SLC35F1: variants seen among roughly 807,000 people sequenced by gnomAD.
SLC35F1 encodes the protein solute carrier family 35 member F1, also known as chromosome 6 open reading frame 169.
A neutral mutation model predicts 48.7 loss-of-function variants in SLC35F1; 14 were observed. The ratio of observed to expected loss-of-function variants is 0.29; its 90% confidence interval spans 0.19 to 0.45. SLC35F1 has a LOEUF of 0.45. Among genes scored for constraint, SLC35F1 ranks in the 20% least tolerant of loss-of-function variants. The probability of loss-of-function intolerance (pLI) is 1.00; values close to 1 mark genes in which losing one functional copy is unlikely to be tolerated. For synonymous variants in SLC35F1, 190 were observed against 202.2 expected (o/e 0.94, Z 0.51); for missense variants, 404 against 500.0 (o/e 0.81, Z 1.83).
Position 118,285,141 on chromosome 6 carries a change from T to C in SLC35F1, c.848-43T>C, listed in dbSNP as rs1776033608. On this transcript the variant is annotated intron_variant, in intron 6 of 7. Transcript: ENST00000360388. ...CCTGCTGTGGATGCTGAAGATGCCC[T>C]GGAGGAGGCCCTGACGCTGCCTTCT... is the stretch of plus-strand genomic sequence containing the variant. 3 of 1,603,524 alleles carry C rather than the reference T, an allele frequency of 1.9e-6. No homozygotes were observed. In the South Asian group the frequency reaches 3.3e-5, roughly 18 times the overall value.
chr6:117,907,937 G>T lies in SLC35F1; in HGVS notation c.173+38G>T, dbSNP rs111915578. Reference sequence around the variant, plus strand: ...GCCGGGCGAGGGCGCGGGGGGCGGGGGCTGCGGGCGCCCGGCTCCGGGTCC... The same window carrying T: ...GCCGGGCGAGGGCGCGGGGGGCGGGTGCTGCGGGCGCCCGGCTCCGGGTCC... On this transcript the variant is annotated intron_variant, in intron 1 of 7. Coordinates refer to ENST00000360388, the MANE Select transcript of SLC35F1 (RefSeq NM_001029858.4). 14,151 of 1,297,348 alleles carry T rather than the reference G, an allele frequency of 0.011. 1,311 individuals are homozygous for T. In the African/African-American group the frequency reaches 0.2, roughly 18 times the overall value. The allele number at this position is 1,297,348 out of a possible 1,614,324, so 80.4% of individuals were successfully genotyped here. A position where few individuals can be genotyped will look rare whatever the true frequency, so the allele number is the denominator to read the frequency against.
At chr6:118,191,169 C>T (rs1004202996) in intron 2 of SLC35F1, among the ~76,000 whole-genome samples, 7 of 152,088 alleles carry the variant, frequency 4.6e-5, no homozygotes, top group African/African-American at 1.7e-4. Flanking sequence ...AATCAATGTT[C>T]TGTTTCTTAC....
chr6:117,999,410 C>T, intron 1 of SLC35F1: 1 of 1,587,234 alleles, frequency 6.3e-7, no homozygotes, highest in Non-Finnish European at 8.5e-7. Context: ...AGCTCAGGCT[C>T]CCAAAGGTAC....
chr6:118,240,839 G>A (rs542876244), intron 3 of SLC35F1, among the ~76,000 whole-genome samples: 8 of 152,294 alleles, frequency 5.3e-5, no homozygotes, highest in South Asian at 2.1e-4. Context: ...GCAGGGTCGT[G>A]TCTGGGCAAG....
At chr6:118,017,862 G>A (rs569114301) in intron 1 of SLC35F1, among the ~76,000 whole-genome samples, 2 of 152,208 alleles carry the variant, frequency 1.3e-5, no homozygotes, top group South Asian at 2.1e-4. Context: ...GGACCTTATC[G>A]TTACTTTACA....
At chr6:118,278,109 T>G (rs1775940152) in intron 6 of SLC35F1, among the ~76,000 whole-genome samples, 1 of 152,222 alleles carries the variant, frequency 6.6e-6, no homozygotes, top group African/African-American at 2.4e-5. Context: ...CCAGGACTTC[T>G]CAGGTTCCAC....
intron 1 of SLC35F1, among the ~76,000 whole-genome samples, chr6:117,953,169 T>C (rs1046464093): frequency 6.6e-6 from 1 of 152,252 alleles, no homozygotes; most frequent in Non-Finnish European, 1.5e-5. Context: ...TGTTATTTTA[T>C]ATCCCTCATT....
In SLC35F1 at chr6:118,105,706, C is replaced by A. The variant is rs114779886; in HGVS notation, c.174-48739C>A. On this transcript the variant is annotated intron_variant, in intron 1 of 7. Transcript: ENST00000360388. ...TTTTCATCACACTCTTCAGATAAAA[C>A]AATTTTTCATTTCACACTTTTATGC... 8.7e-3 allele frequency among the ~76,000 whole-genome samples: 1,327 copies of A among 152,280 alleles called. 19 individuals carry two copies. The highest frequency in any genetic ancestry group is 0.03 in the African/African-American group (1,257 of 41,558).
In SLC35F1 at chr6:117,949,645, A is replaced by G. The variant is rs372991007; in HGVS notation, c.173+41746A>G. ...ACTGTTTACTATGATCATTTTCATC[A>G]TGTAATTATCGCCTTCAGGTTGGAC... On this transcript the variant is annotated intron_variant, in intron 1 of 7. Coordinates refer to ENST00000360388, the MANE Select transcript of SLC35F1 (RefSeq NM_001029858.4). Among the ~76,000 whole-genome samples the G allele has an allele frequency of 3.9e-5, 6 of 152,188 alleles. No individual in the cohort carries two copies. The South Asian group carries it at 8.3e-4, about 21-fold the overall frequency.
At chr6:118,217,758 G>A (rs1412708359) in intron 2 of SLC35F1, among the ~76,000 whole-genome samples, 2 of 152,078 alleles carry the variant, frequency 1.3e-5, no homozygotes, top group South Asian at 2.1e-4. Flanking sequence ...CTGACCTCAG[G>A]TTCAAAAATA....
At chr6:118,256,557 AG>A (rs1775649013) in intron 3 of SLC35F1, among the ~76,000 whole-genome samples, 2 of 152,132 alleles carry the variant, frequency 1.3e-5, no homozygotes, top group African/African-American at 4.8e-5. Context: ...AAGAGGGATG[AG>A]GTCACCTCAT....
chr6:118,249,039 T>G (rs1775541122), intron 3 of SLC35F1, among the ~76,000 whole-genome samples: 1 of 152,184 alleles, frequency 6.6e-6, no homozygotes, highest in South Asian at 2.1e-4. Context: ...AACCAGGGCG[T>G]GGGCCCCTAC....
At chr6:118,050,236 G>A (rs1390712821) in intron 1 of SLC35F1, among the ~76,000 whole-genome samples, 1 of 151,736 alleles carries the variant, frequency 6.6e-6, no homozygotes, top group Non-Finnish European at 1.5e-5. Flanking sequence ...GAGGGGGGAG[G>A]GATAGCATTA....
intron 3 of SLC35F1, among the ~76,000 whole-genome samples, chr6:118,261,548 A>T (rs771863332): frequency 1.1e-3 from 160 of 152,344 alleles, no homozygotes; most frequent in Admixed American, 1.8e-3. Flanking sequence ...GCCCACGTGA[A>T]CGCACACAGG....
rs79285690 is a variant in SLC35F1, at chr6:118,309,034, A to C, written c.1003-4994A>C. 8.9e-3 allele frequency among the ~76,000 whole-genome samples: 1,353 copies of C among 152,280 alleles called. 5 individuals are homozygous for C. Among genetic ancestry groups the C allele is most frequent in the Non-Finnish European group, 0.016 (1,103 of 68,024 alleles). ...GGCTTGAAAGCATTGGCCTTAGCTC[A>C]TGTGTGGTACATGAGAAGCCATCAG... On this transcript the variant is annotated intron_variant, in intron 7 of 7. Transcript: ENST00000360388.
At chr6:118,051,182 C>T (rs558932081) in intron 1 of SLC35F1, among the ~76,000 whole-genome samples, 23 of 152,194 alleles carry the variant, frequency 1.5e-4, no homozygotes, top group South Asian at 1.4e-3. Context: ...TCTGGATTGT[C>T]GACTTTTACC....
At chr6:118,185,460 A>G (rs1774642419) in intron 2 of SLC35F1, among the ~76,000 whole-genome samples, 1 of 152,168 alleles carries the variant, frequency 6.6e-6, no homozygotes, top group South Asian at 2.1e-4. Context: ...AGGGAAGGGG[A>G]AAACATCTCA....
chr6:118,215,456 G>T (rs1197902986), intron 2 of SLC35F1, among the ~76,000 whole-genome samples: 1 of 152,010 alleles, frequency 6.6e-6, no homozygotes, highest in Non-Finnish European at 1.5e-5. Flanking sequence ...CTTGTTGCTA[G>T]GCAACGGAGA....
At chr6:118,212,836 A>C (rs1345032304) in intron 2 of SLC35F1, among the ~76,000 whole-genome samples, 1 of 151,878 alleles carries the variant, frequency 6.6e-6, no homozygotes, top group African/African-American at 2.4e-5. Context: ...GCACTATTAT[A>C]AACTATTTAG....
Sources: allele counts gnomAD v4.1 joint callset (sites outside exome capture counted in the v4.1 genomes callset), GRCh38; gene constraint gnomAD v4.1.1; transcripts MANE v1.5; gene names NCBI Gene and HGNC (gene_info 2026-07-23, HGNC 2026-07-21).